The following MECOM variants were observed in gnomAD, a reference collection of about 807,000 sequenced individuals.
MECOM encodes MDS1 and EVI1 complex locus.
MECOM carries 13 observed loss-of-function variants against 116.3 expected under a neutral mutation model. The ratio of observed to expected loss-of-function variants is 0.11; its 90% CI spans 0.07 to 0.18. The LOEUF is 0.18. Among genes scored for constraint, MECOM ranks in the 10% least tolerant of loss-of-function variants. MECOM has a pLI of 1.00. For synonymous variants in MECOM, 528 were observed against 535.2 expected (o/e 0.99, Z 0.19); for missense variants, 1,299 against 1,509.0 (o/e 0.86, Z 2.31).
At chr3:169,572,742 C>T (rs1338511157) in intron 1 of MECOM, among the ~76,000 whole-genome samples, 1 of 151,888 alleles carries the variant, frequency 6.6e-6, no homozygotes, top group Non-Finnish European at 1.5e-5. Flanking sequence ...AACCAAATAT[C>T]GCATATATTC....
chr3:169,487,653 A>G (rs1752565773), intron 1 of MECOM, among the ~76,000 whole-genome samples: 2 of 152,114 alleles, frequency 1.3e-5, no homozygotes, highest in Admixed American at 1.3e-4. Flanking sequence ...GAAAATAAGA[A>G]GAAAGAAATA....
Position 169,472,516 on chromosome 3 carries a change from AG to A in MECOM, c.38-90993del, listed in dbSNP as rs1369795936. ...AGGAAAGGAAAGGAAAGGAAAGGAAAGGAAAGAAAAGAAAAGAAAAGGAAAG... is the reference window on the plus strand; with the variant it reads ...AGGAAAGGAAAGGAAAGGAAAGGAAAGAAAGAAAAGAAAAGAAAAGGAAAG... On this transcript the variant is annotated intron_variant, in intron 1 of 16. Coordinates refer to ENST00000651503, the MANE Select transcript of MECOM (RefSeq NM_004991.4). Among the ~76,000 whole-genome samples the A allele has an allele frequency of 3.2e-3, 297 of 93,642 alleles. 3 individuals are homozygous for A. Among genetic ancestry groups the A allele is most frequent in the Middle Eastern group, 4.6e-3 (1 of 216 alleles). The allele number at this position is 93,642 out of a possible 152,430, so 61.4% of individuals were successfully genotyped here.
intron 1 of MECOM, among the ~76,000 whole-genome samples, chr3:169,634,351 A>G (rs944540218): frequency 1.3e-5 from 2 of 152,124 alleles, no homozygotes; most frequent in African/African-American, 4.8e-5. Context: ...AGCTTTTGAG[A>G]TCATGCCCCA....
intron 12 of MECOM, among the ~76,000 whole-genome samples, chr3:169,099,113 G>GAAAAAAA (rs534383915): frequency 1.0e-5 from 1 of 100,110 alleles, no homozygotes. Context: ...CTTCTGCAAG[G>GAAAAAAA]AAAAAAAAAA....
In MECOM at chr3:169,381,475, C is replaced by A; in HGVS notation, c.87G>T (p.Met29Ile). 6.2e-7 allele frequency: 1 copy of A among 1,613,164 alleles called. No homozygotes were observed. The highest frequency in any genetic ancestry group is 8.5e-7 in the Non-Finnish European group (1 of 1,179,534). Residue 29 changes from methionine to isoleucine, a missense_variant, in exon 2 of 17, where the codon ATG becomes ATT. Met to Ile is a conservative substitution (Grantham distance 10). Coordinates refer to ENST00000651503, the MANE Select transcript of MECOM (RefSeq NM_004991.4). ...TGCTGGCTACTCCATCTGCATCTGG[C>A]ATTTCTTCCAAAGGTATTTCAGGGT... ...GNYPEIPLEE[M>I]PDADGVASTP...
chr3:169,314,210 A>G lies in MECOM; in HGVS notation c.375+66977T>C, dbSNP rs1719321318. On this transcript the variant is annotated intron_variant, in intron 2 of 16. Transcript: ENST00000651503. ...TAATTCCACAATTACTTCACTGACC[A>G]CTTCCTACGATGGATCAAGAATGAA... Among the ~76,000 whole-genome samples, 5 of 152,242 alleles carry G rather than the reference A, an allele frequency of 3.3e-5. No individual in the cohort carries two copies. The South Asian group carries it at 1.0e-3, about 31-fold the overall frequency.
rs557506423 is a variant in MECOM at position 169,381,772 on chromosome 3, C to T, written c.38-248G>A. ...CCTCAATTGTCAATACTTGCATGGGCTAGTTCAATTCATTATCCATCTGGG... is the reference window on the plus strand; with the variant it reads ...CCTCAATTGTCAATACTTGCATGGGTTAGTTCAATTCATTATCCATCTGGG... On this transcript the variant is annotated intron_variant, in intron 1 of 16. Transcript: ENST00000651503. Among the ~76,000 whole-genome samples the T allele has an allele frequency of 7.2e-5, 11 of 152,240 alleles. No homozygotes were observed. The South Asian group carries it at 2.3e-3, about 32-fold the overall frequency.
intron 1 of MECOM, among the ~76,000 whole-genome samples, chr3:169,584,411 A>G (rs1351576800): frequency 6.6e-6 from 1 of 151,442 alleles, no homozygotes; most frequent in Non-Finnish European, 1.5e-5. Flanking sequence ...TAAAAATACA[A>G]AAAATTAGCC....
At chr3:169,563,427 C>T (rs535138547) in intron 1 of MECOM, among the ~76,000 whole-genome samples, 1 of 152,274 alleles carries the variant, frequency 6.6e-6, no homozygotes, top group African/African-American at 2.4e-5. Flanking sequence ...TTGACATATC[C>T]CATGTTTTGA....
chr3:169,523,786 T>C lies in MECOM; in HGVS notation c.37+139550A>G, dbSNP rs112757162. Among the ~76,000 whole-genome samples the C allele has an allele frequency of 6.6e-5, 10 of 151,914 alleles. 1 individual carries two copies. The highest frequency in any genetic ancestry group is 2.2e-4 in the African/African-American group (9 of 41,510). ...TTTTTCAATACAAGTATATCCCAAA[T>C]ATTGCATGAGACATACCTTCTATTA... On this transcript the variant is annotated intron_variant, in intron 1 of 16. Coordinates refer to ENST00000651503, the MANE Select transcript of MECOM (RefSeq NM_004991.4).
chr3:169,433,496 G>T (rs1741992513), intron 1 of MECOM, among the ~76,000 whole-genome samples: 1 of 143,904 alleles, frequency 6.9e-6, no homozygotes, highest in Admixed American at 7.2e-5. Flanking sequence ...CAGACAGACA[G>T]AATGAAAGAA....
At chr3:169,378,487 GA>G (rs1268296741) in intron 2 of MECOM, among the ~76,000 whole-genome samples, 1 of 29,978 alleles carries the variant, frequency 3.3e-5, no homozygotes, top group African/African-American at 3.9e-4. Context: ...GAAAGAGAGA[GA>G]GAAAGAAAGA....
chr3:169,115,864 CAGCAATAGA>C lies in MECOM; in HGVS notation c.1999_2007del (p.Ser667_Ala669del). The C allele has an allele frequency of 6.2e-7, 1 of 1,614,034 alleles. No homozygotes were observed. Among genetic ancestry groups the C allele is most frequent in the Non-Finnish European group, 8.5e-7 (1 of 1,180,012 alleles). On this transcript the variant is annotated inframe_deletion, in exon 8 of 17. Transcript: ENST00000651503. ...AGTCCTGTTGAACCAAAGTATTTTT[CAGCAATAGA>C]AGCAATAGCCTTTATAGAATCATTC...
rs150385164 is a variant in MECOM at position 169,426,365 on chromosome 3, G to A, written c.38-44841C>T. Among the ~76,000 whole-genome samples, 685 of 152,256 alleles carry A rather than the reference G, an allele frequency of 4.5e-3. 2 individuals carry two copies. The highest frequency in any genetic ancestry group is 0.024 in the Middle Eastern group (7 of 294). The stretch of plus-strand genomic sequence containing the variant: ...TGGGAAAGTCATTTAATATCTTGAG[G>A]CACAATCTAAGCTAAAAGTTACAGC... On this transcript the variant is annotated intron_variant, in intron 1 of 16. Transcript: ENST00000651503.
chr3:169,464,693 T>C (rs188477688), intron 1 of MECOM, among the ~76,000 whole-genome samples: 131 of 152,242 alleles, frequency 8.6e-4, no homozygotes, highest in Admixed American at 1.4e-3. Flanking sequence ...CTTTAAACGG[T>C]ATTTTTCTTC....
intron 1 of MECOM, among the ~76,000 whole-genome samples, chr3:169,642,737 T>TA (rs72138096): frequency 0.11 from 15,003 of 136,194 alleles, 839 homozygotes; most frequent in African/African-American, 0.14. Flanking sequence ...AAAGGTTAAT[T>TA]AAAAAAAAAA....
intron 2 of MECOM, chr3:169,144,981 C>G: frequency 6.4e-7 from 1 of 1,561,124 alleles, no homozygotes; most frequent in Non-Finnish European, 8.7e-7. Flanking sequence ...ATTGCAGATT[C>G]AAGTCATTAA....
At chr3:169,614,099 TTC>T (rs898628042) in intron 1 of MECOM, among the ~76,000 whole-genome samples, 29 of 129,398 alleles carry the variant, frequency 2.2e-4, no homozygotes, top group Middle Eastern at 8.9e-3. Context: ...CTCTTTTCTT[TTC>T]TTTTTCTTTT....
At chr3:169,488,074 A>G (rs1364882496) in intron 1 of MECOM, among the ~76,000 whole-genome samples, 1 of 152,108 alleles carries the variant, frequency 6.6e-6, no homozygotes, top group Non-Finnish European at 1.5e-5. Flanking sequence ...AATTGACAGC[A>G]TTACAAGAAA....
Sources: allele counts gnomAD v4.1 joint callset (sites outside exome capture counted in the v4.1 genomes callset), GRCh38; gene constraint gnomAD v4.1.1; transcripts MANE v1.5; gene names NCBI Gene and HGNC (gene_info 2026-07-23, HGNC 2026-07-21).